Variants in CCDC169 observed in about 807,000 individuals in gnomAD.
CCDC169 encodes the protein coiled-coil domain-containing protein 169.
Under a neutral mutation model 36.0 loss-of-function variants are expected in CCDC169, and 30 were observed. The ratio of observed to expected loss-of-function variants is 0.83; its 90% CI spans 0.62 to 1.13. The LOEUF (loss-of-function observed/expected upper bound fraction) is 1.13, where lower values mean the gene tolerates loss of function less well. Ranked by LOEUF, CCDC169 falls within the 50% of genes most tolerant of loss-of-function variation. CCDC169 has a pLI of 0.00. For synonymous variants in CCDC169, 85 were observed against 81.5 expected, an observed-to-expected ratio of 1.04 and a Z score of -0.23; for missense variants, 245 against 245.9, an observed-to-expected ratio of 1.00 and a Z score of 0.03.
chr13:36,273,041 CTGT>C (rs543580181), intron 4 of CCDC169, among the ~76,000 whole-genome samples: 54 of 152,304 alleles, frequency 3.5e-4, no homozygotes, highest in African/African-American at 1.2e-3. Flanking sequence ...TGCAGGCACT[CTGT>C]TGTTGTTTCC....
intron 2 of CCDC169, among the ~76,000 whole-genome samples, chr13:36,289,082 A>G (rs1421578035): frequency 6.6e-6 from 1 of 152,194 alleles, no homozygotes; most frequent in Non-Finnish European, 1.5e-5. Flanking sequence ...TCTTTCTAAG[A>G]TTGATCCCCT....
chr13:36,249,216 A>T (rs992812531), intron 6 of CCDC169, among the ~76,000 whole-genome samples: 5 of 152,340 alleles, frequency 3.3e-5, no homozygotes, highest in Admixed American at 3.3e-4. Context: ...AGTGAATGAG[A>T]TCATTCATTG....
At chr13:36,275,556 C>A (rs1876692102) in intron 4 of CCDC169, among the ~76,000 whole-genome samples, 1 of 152,172 alleles carries the variant, frequency 6.6e-6, no homozygotes, top group Non-Finnish European at 1.5e-5. Context: ...ATTTTAATAA[C>A]CTCAATACTT....
chr13:36,292,627 C>A (rs931245519), intron 2 of CCDC169, among the ~76,000 whole-genome samples: 9 of 152,132 alleles, frequency 5.9e-5, no homozygotes, highest in Admixed American at 5.2e-4. Flanking sequence ...CAAGATCAAA[C>A]AATAAGCAGA....
chr13:36,272,242 C>T (rs117529505), intron 4 of CCDC169, among the ~76,000 whole-genome samples: 1,567 of 150,954 alleles, frequency 0.01, 15 homozygotes, highest in Non-Finnish European at 0.016. Flanking sequence ...ACCATTTGTA[C>T]CCCAAAATGT....
chr13:36,246,817 A>G (rs927793443), intron 7 of CCDC169, among the ~76,000 whole-genome samples: 2 of 152,184 alleles, frequency 1.3e-5, no homozygotes, highest in African/African-American at 2.4e-5. Context: ...GGCCTTCTCC[A>G]TTATTATCAA....
chr13:36,232,714 CAAAAAAAAAAA>C (rs1214172768), intron 7 of CCDC169, among the ~76,000 whole-genome samples: 1 of 54,414 alleles, frequency 1.8e-5, no homozygotes, highest in Non-Finnish European at 4.8e-5. Context: ...GACTCCGTCT[CAAAAAAAAAAA>C]AGAATACAAA....
intron 4 of CCDC169, among the ~76,000 whole-genome samples, chr13:36,260,197 G>A (rs983832570): frequency 7.2e-5 from 11 of 152,224 alleles, no homozygotes; most frequent in Non-Finnish European, 1.6e-4. Flanking sequence ...GCTGGAACGT[G>A]AACCCAGGTA....
At chr13:36,226,925 A>C, downstream of CCDC169, 2 of 417,584 alleles carry the variant, frequency 4.8e-6, no homozygotes. Context: ...AAACCTGCAC[A>C]GGTACCTCTG....
At chr13:36,228,321 C>G (rs1342208849), downstream of CCDC169, among the ~76,000 whole-genome samples, 1 of 152,122 alleles carries the variant, frequency 6.6e-6, no homozygotes, top group Non-Finnish European at 1.5e-5. Context: ...CATGTCAATA[C>G]TCATGATCTG....
downstream of CCDC169, chr13:36,227,510 A>AAG: frequency 2.3e-4 from 81 of 356,266 alleles, no homozygotes; most frequent in Non-Finnish European, 2.9e-4. Context: ...AAATAAATAA[A>AAG]TAAATAAAAG....
chr13:36,271,785 A>G (rs188664234), intron 4 of CCDC169, among the ~76,000 whole-genome samples: 83 of 152,100 alleles, frequency 5.5e-4, no homozygotes, highest in Non-Finnish European at 9.0e-4. Context: ...GGAAGGGATA[A>G]AAAAACTACA....
At chr13:36,293,714 T>C (rs1879168402) in intron 2 of CCDC169, among the ~76,000 whole-genome samples, 1 of 152,166 alleles carries the variant, frequency 6.6e-6, no homozygotes, top group African/African-American at 2.4e-5. Flanking sequence ...CAGTGTCAGA[T>C]GTTAGCCATG....
chr13:36,232,084 G>C (rs981093132), intron 7 of CCDC169, among the ~76,000 whole-genome samples: 6 of 152,118 alleles, frequency 3.9e-5, no homozygotes, highest in African/African-American at 1.4e-4. Flanking sequence ...AGCAACAAAC[G>C]GCTGAAACTT....
chr13:36,295,176 C>T (rs188389900), intron 2 of CCDC169, among the ~76,000 whole-genome samples: 290 of 152,298 alleles, frequency 1.9e-3, no homozygotes, highest in Middle Eastern at 3.4e-3. Context: ...TTTCATTTAT[C>T]CTTACATAGA....
chr13:36,246,328 GA>G (rs1872504359), intron 7 of CCDC169, among the ~76,000 whole-genome samples: 1 of 152,182 alleles, frequency 6.6e-6, no homozygotes, highest in Non-Finnish European at 1.5e-5. Flanking sequence ...ATTCTTAAAA[GA>G]AATTAAAAGC....
chr13:36,293,990 A>G (rs949253358), intron 2 of CCDC169, among the ~76,000 whole-genome samples: 25 of 152,312 alleles, frequency 1.6e-4, no homozygotes, highest in African/African-American at 6.0e-4. Flanking sequence ...GGATCAAGTC[A>G]TGGCTCTGCC....
intron 4 of CCDC169, among the ~76,000 whole-genome samples, chr13:36,275,026 GC>G (rs1876600353): frequency 6.6e-6 from 1 of 151,842 alleles, no homozygotes. Context: ...CCACCATCAC[GC>G]CCGGCTAATT....
chr13:36,297,138 T>C (rs1189579555), intron 1 of CCDC169, among the ~76,000 whole-genome samples: 2 of 152,016 alleles, frequency 1.3e-5, no homozygotes, highest in East Asian at 3.9e-4. Context: ...TGGGAGTATG[T>C]CCAAAAAATA....
Sources: gnomAD v4.1 joint callset for allele counts (sites outside exome capture counted in the v4.1 genomes callset) on GRCh38, gnomAD v4.1.1 for gene constraint, MANE v1.5 for transcripts, NCBI Gene and HGNC (gene_info 2026-07-23, HGNC 2026-07-21) for gene names.